Variants in OPCML observed in about 807,000 individuals in gnomAD.
OPCML encodes opioid binding protein/cell adhesion molecule like.
Under a neutral mutation model 37.8 loss-of-function variants are expected in OPCML, and 13 were observed. The ratio of observed to expected loss-of-function variants is 0.34; its 90% CI spans 0.22 to 0.55. The LOEUF is 0.55. Among genes scored for constraint, OPCML ranks in the 20% least tolerant of loss-of-function variants. The probability of loss-of-function intolerance (pLI) is 0.91; values close to 1 mark genes in which losing one functional copy is unlikely to be tolerated. For missense variants in OPCML, 341 were observed against 435.6 expected (o/e 0.78, Z 1.93); for synonymous variants, 176 against 168.8 (o/e 1.04, Z -0.33).
intron 1 of OPCML, among the ~76,000 whole-genome samples, chr11:133,050,514 A>C (rs4509773): frequency 0.84 from 127,604 of 151,968 alleles, 53,743 homozygotes; most frequent in Middle Eastern, 0.92. Context: ...GTCTGATGAA[A>C]TGAGCCAATT....
At chr11:133,380,476 A>G (rs1406966724) in intron 1 of OPCML, among the ~76,000 whole-genome samples, 1 of 152,208 alleles carries the variant, frequency 6.6e-6, no homozygotes, top group Non-Finnish European at 1.5e-5. Context: ...TAATATACCT[A>G]ACGAGGAATA....
chr11:132,929,723 G>T (rs551667473), intron 2 of OPCML, among the ~76,000 whole-genome samples: 2 of 152,110 alleles, frequency 1.3e-5, no homozygotes, highest in Admixed American at 6.6e-5. Context: ...TCATAACCAA[G>T]TGAGATTTAT....
intron 1 of OPCML, among the ~76,000 whole-genome samples, chr11:133,439,046 A>C (rs1271474574): frequency 6.6e-6 from 1 of 152,152 alleles, no homozygotes; most frequent in East Asian, 1.9e-4. Flanking sequence ...ATAATAAGTA[A>C]AGAAATTTCC....
intron 3 of OPCML, among the ~76,000 whole-genome samples, chr11:132,655,812 C>A (rs1392879747): frequency 6.6e-6 from 1 of 151,818 alleles, no homozygotes; most frequent in Non-Finnish European, 1.5e-5. Context: ...TAGACAGCCC[C>A]CACGCAACCT....
Position 132,452,015 on chromosome 11 carries a change from G to A in OPCML, c.506-14656C>T, listed in dbSNP as rs987268621. On this transcript the variant is annotated intron_variant, in intron 4 of 7. Coordinates refer to ENST00000524381, the MANE Select transcript of OPCML (RefSeq NM_001012393.5). ...GCTCCCTCCCTGGGTTCAATGTCAC[G>A]CTCCTCCATTGTCACAGGACAGGCT... Among the ~76,000 whole-genome samples the A allele has an allele frequency of 4.6e-5, 7 of 152,030 alleles. No homozygotes were observed. The East Asian group carries it at 5.9e-4, about 13-fold the overall frequency.
intron 1 of OPCML, among the ~76,000 whole-genome samples, chr11:133,288,932 C>T (rs1298037177): frequency 1.3e-5 from 2 of 152,134 alleles, no homozygotes; most frequent in East Asian, 3.9e-4. Flanking sequence ...TGATAAGAAG[C>T]AAGACAAGAA....
At chr11:133,251,914 T>C (rs2136435463) in intron 1 of OPCML, among the ~76,000 whole-genome samples, 1 of 152,186 alleles carries the variant, frequency 6.6e-6, no homozygotes, top group African/African-American at 2.4e-5. Context: ...AATGCTGGGG[T>C]AGGTGAGTCC....
At chr11:132,473,249 G>C (rs938578046) in intron 4 of OPCML, among the ~76,000 whole-genome samples, 1 of 152,220 alleles carries the variant, frequency 6.6e-6, no homozygotes, top group Non-Finnish European at 1.5e-5. Context: ...TTGTGAATGT[G>C]TGAAAATTCA....
chr11:133,487,196 G>C (rs1459056341), intron 1 of OPCML, among the ~76,000 whole-genome samples: 2 of 152,032 alleles, frequency 1.3e-5, no homozygotes, highest in Admixed American at 6.6e-5. Flanking sequence ...GCTTCTTACT[G>C]TATTCAGAAT....
intron 1 of OPCML, chr11:133,004,868 G>A (rs976103068): frequency 3.9e-5 from 38 of 985,210 alleles, no homozygotes; most frequent in Non-Finnish European, 4.5e-5. Context: ...AGAAATCAAC[G>A]AGCTGTGGTG....
rs554448937 is a variant in OPCML at position 132,516,120 on chromosome 11, C to T, written c.505+12941G>A. On this transcript the variant is annotated intron_variant, in intron 4 of 7. Transcript: ENST00000524381. Reference sequence around the variant, plus strand: ...AAATATCTTCCAGATCACAGATCACCGTGTCTAGAAGCCTAAACTAGGATA... The same window carrying T: ...AAATATCTTCCAGATCACAGATCACTGTGTCTAGAAGCCTAAACTAGGATA... Among the ~76,000 whole-genome samples, 8 of 152,136 alleles carry T rather than the reference C, an allele frequency of 5.3e-5. No individual in the cohort carries two copies. The East Asian group carries it at 5.8e-4, about 11-fold the overall frequency.
chr11:132,757,046 C>A (rs1246737404), intron 2 of OPCML, among the ~76,000 whole-genome samples: 1 of 152,074 alleles, frequency 6.6e-6, no homozygotes, highest in African/African-American at 2.4e-5. Context: ...TGAGAACATG[C>A]GGTGTTTGGT....
intron 1 of OPCML, among the ~76,000 whole-genome samples, chr11:133,390,254 T>C (rs982884528): frequency 6.6e-6 from 1 of 151,858 alleles, no homozygotes; most frequent in African/African-American, 2.4e-5. Context: ...GGTCAGGAGA[T>C]CGAGACCATC....
rs190488249 is a variant in OPCML, at chr11:132,836,416, A to G, written c.146+106510T>C. On this transcript the variant is annotated intron_variant, in intron 2 of 7. Coordinates refer to ENST00000524381, the MANE Select transcript of OPCML (RefSeq NM_001012393.5). ...TTCCGTCCCCTCAGGATTCTCTGAG[A>G]AATAACATAACTGTCTTAAGGCTCT... is the stretch of plus-strand genomic sequence containing the variant. Among the ~76,000 whole-genome samples the G allele has an allele frequency of 6.2e-4, 94 of 152,308 alleles. No homozygotes were observed. In the East Asian group the frequency reaches 0.016, roughly 26 times the overall value.
At chr11:133,160,986 T>C (rs1018588524) in intron 1 of OPCML, among the ~76,000 whole-genome samples, 6 of 152,196 alleles carry the variant, frequency 3.9e-5, no homozygotes, top group Admixed American at 6.5e-5. Flanking sequence ...CCCAGGTACA[T>C]GGAGCTGGAT....
At chr11:133,078,399 T>C (rs1267105409) in intron 1 of OPCML, among the ~76,000 whole-genome samples, 1 of 152,146 alleles carries the variant, frequency 6.6e-6, no homozygotes, top group East Asian at 1.9e-4. Flanking sequence ...ACACACTGCA[T>C]GTGTGCAGGG....
intron 2 of OPCML, among the ~76,000 whole-genome samples, chr11:132,904,516 C>G (rs1242675402): frequency 2.0e-5 from 3 of 152,168 alleles, no homozygotes; most frequent in Non-Finnish European, 4.4e-5. Flanking sequence ...GAAATAAATG[C>G]AATTTGGAGA....
chr11:133,058,523 A>ACT (rs751068914), intron 1 of OPCML, among the ~76,000 whole-genome samples: 2 of 151,646 alleles, frequency 1.3e-5, no homozygotes, highest in Non-Finnish European at 2.9e-5. Flanking sequence ...CCAGTTAGGG[A>ACT]CTCTCTCCCT....
chr11:133,215,802 G>C (rs375181464), intron 1 of OPCML, among the ~76,000 whole-genome samples: 1 of 152,094 alleles, frequency 6.6e-6, no homozygotes, highest in Non-Finnish European at 1.5e-5. Context: ...CACCATGCAC[G>C]AGCAGACCCG....
Sources: gnomAD v4.1 joint callset for allele counts (sites outside exome capture counted in the v4.1 genomes callset) on GRCh38, gnomAD v4.1.1 for gene constraint, MANE v1.5 for transcripts, NCBI Gene and HGNC (gene_info 2026-07-23, HGNC 2026-07-21) for gene names.